The following CDH13 variants were observed in gnomAD, a reference collection of about 807,000 sequenced individuals.
CDH13 encodes the protein cadherin 13.
In CDH13, 24 loss-of-function variants were observed where a neutral mutation model predicts 63.8. That is an observed-to-expected ratio of 0.38 (90% confidence interval 0.27 to 0.53). The LOEUF (loss-of-function observed/expected upper bound fraction) is 0.53, where lower values mean the gene tolerates loss of function less well. Ranked by LOEUF, CDH13 falls within the 20% of genes least tolerant of loss-of-function variation. The pLI is 0.85. For missense variants in CDH13, 1,049 were observed against 903.1 expected, an observed-to-expected ratio of 1.16 and a Z score of -2.07; for synonymous variants, 503 against 355.3, an observed-to-expected ratio of 1.42 and a Z score of -4.67.
At chr16:83,565,380 G>GTTT (rs1351825798) in intron 7 of CDH13, among the ~76,000 whole-genome samples, 1 of 26,408 alleles carries the variant, frequency 3.8e-5, no homozygotes, top group Non-Finnish European at 6.9e-5. Flanking sequence ...CTCTTCCACT[G>GTTT]TTCTTTTTTT....
chr16:83,080,330 A>T (rs2033145746), intron 3 of CDH13, among the ~76,000 whole-genome samples: 1 of 152,210 alleles, frequency 6.6e-6, no homozygotes, highest in South Asian at 2.1e-4. Flanking sequence ...ACACCTGTGT[A>T]TGAAAAGCAT....
chr16:82,876,980 A>G (rs2040527613), intron 2 of CDH13, among the ~76,000 whole-genome samples: 1 of 152,214 alleles, frequency 6.6e-6, no homozygotes, highest in East Asian at 1.9e-4. Context: ...CTCATATACT[A>G]TACAGTAAAT....
chr16:83,191,993 A>G (rs1276346454), intron 4 of CDH13, among the ~76,000 whole-genome samples: 1 of 152,150 alleles, frequency 6.6e-6, no homozygotes. Flanking sequence ...GAGCAAAAGC[A>G]TGTAGAATTG....
intron 1 of CDH13, among the ~76,000 whole-genome samples, chr16:82,631,279 G>C (rs1232112372): frequency 1.3e-5 from 2 of 152,170 alleles, no homozygotes; most frequent in Admixed American, 1.3e-4. Context: ...CCTGGCATTT[G>C]ACTTTGGTTG....
At chr16:82,789,650 T>C (rs8060740) in intron 1 of CDH13, among the ~76,000 whole-genome samples, 12,659 of 152,272 alleles carry the variant, frequency 0.083, 594 homozygotes, top group Middle Eastern at 0.13. Flanking sequence ...ACCTACTTTT[T>C]TGTTTTGTTT....
At chr16:82,692,619 T>C (rs1417814467) in intron 1 of CDH13, among the ~76,000 whole-genome samples, 1 of 152,222 alleles carries the variant, frequency 6.6e-6, no homozygotes, top group Non-Finnish European at 1.5e-5. Flanking sequence ...GAGATTTGAA[T>C]GGGAGCCCAG....
At chr16:83,632,487 G>A (rs1000556888) in intron 8 of CDH13, among the ~76,000 whole-genome samples, 5 of 151,972 alleles carry the variant, frequency 3.3e-5, no homozygotes, top group African/African-American at 1.2e-4. Context: ...ATTTCTTTGT[G>A]AGGTGCATTC....
At chr16:83,264,964 T>A (rs1335351826) in intron 5 of CDH13, among the ~76,000 whole-genome samples, 1 of 152,220 alleles carries the variant, frequency 6.6e-6, no homozygotes, top group Non-Finnish European at 1.5e-5. Flanking sequence ...AATACGACTC[T>A]GATAGAATTT....
chr16:83,248,904 G>T (rs1242542259), intron 5 of CDH13, among the ~76,000 whole-genome samples: 2 of 152,128 alleles, frequency 1.3e-5, no homozygotes, highest in African/African-American at 2.4e-5. Context: ...TCTTCCCCTT[G>T]GTGCATATCC....
At chr16:83,385,289 T>C (rs1051177418) in intron 6 of CDH13, among the ~76,000 whole-genome samples, 1 of 152,216 alleles carries the variant, frequency 6.6e-6, no homozygotes, top group African/African-American at 2.4e-5. Flanking sequence ...TCTAAGAAAC[T>C]GTATGCCTCA....
chr16:83,434,522 C>T (rs2072227229), intron 6 of CDH13, among the ~76,000 whole-genome samples: 1 of 151,946 alleles, frequency 6.6e-6, no homozygotes, highest in African/African-American at 2.4e-5. Context: ...GATTCAAGTC[C>T]ACATGCTGAA....
intron 7 of CDH13, among the ~76,000 whole-genome samples, chr16:83,568,581 G>C (rs904016671): frequency 6.6e-6 from 1 of 152,144 alleles, no homozygotes; most frequent in African/African-American, 2.4e-5. Flanking sequence ...AGTAAATCTG[G>C]CCAGTTCCCG....
At chr16:83,123,711 T>C (rs1019090154) in intron 3 of CDH13, among the ~76,000 whole-genome samples, 2 of 152,200 alleles carry the variant, frequency 1.3e-5, no homozygotes, top group South Asian at 4.1e-4. Flanking sequence ...TTTTCCTTTG[T>C]GTATATACCT....
chr16:83,322,851 C>T (rs137888289), intron 5 of CDH13, among the ~76,000 whole-genome samples: 84 of 152,152 alleles, frequency 5.5e-4, no homozygotes, highest in African/African-American at 1.9e-3. Flanking sequence ...ATTCCAAGGC[C>T]GTCAGGAACT....
intron 7 of CDH13, among the ~76,000 whole-genome samples, chr16:83,555,934 GA>G (rs1295606288): frequency 6.6e-6 from 1 of 152,152 alleles, no homozygotes; most frequent in Non-Finnish European, 1.5e-5. Flanking sequence ...AATAGTTTTG[GA>G]ATAATGGGCT....
intron 10 of CDH13, among the ~76,000 whole-genome samples, chr16:83,688,865 G>C (rs1229923828): frequency 6.6e-6 from 1 of 152,122 alleles, no homozygotes; most frequent in African/African-American, 2.4e-5. Flanking sequence ...AAGATGCTGG[G>C]GGAAACAAAG....
At chr16:83,278,367 G>A (rs1160696020) in intron 5 of CDH13, among the ~76,000 whole-genome samples, 1 of 152,104 alleles carries the variant, frequency 6.6e-6, no homozygotes, top group South Asian at 2.1e-4. Flanking sequence ...TAAGCAAAAG[G>A]CACCTTCTAA....
At chr16:83,041,350 A>G (rs1014530079) in intron 3 of CDH13, among the ~76,000 whole-genome samples, 11 of 152,192 alleles carry the variant, frequency 7.2e-5, no homozygotes, top group Admixed American at 2.0e-4. Flanking sequence ...TAAAAGACGT[A>G]ATTTTGGCTC....
At chr16:83,331,722 A>G (rs4426340) in intron 5 of CDH13, among the ~76,000 whole-genome samples, 60,984 of 152,092 alleles carry the variant, frequency 0.4, 12,561 homozygotes, top group East Asian at 0.49. Context: ...TTATGTATAC[A>G]CTAGTTTTAG....
Sources: gnomAD v4.1 joint callset for allele counts (sites outside exome capture counted in the v4.1 genomes callset) on GRCh38, gnomAD v4.1.1 for gene constraint, MANE v1.5 for transcripts, NCBI Gene and HGNC (gene_info 2026-07-23, HGNC 2026-07-21) for gene names.